Variants in MSI2 observed in about 807,000 individuals in gnomAD.
The protein encoded by MSI2 is RNA-binding protein Musashi homolog 2.
Under a neutral mutation model 45.6 loss-of-function variants are expected in MSI2, and 17 were observed. The ratio of observed to expected loss-of-function variants is 0.37; its 90% CI spans 0.26 to 0.56. MSI2 has a LOEUF of 0.56. MSI2 is among the 20% of genes least tolerant of loss of function. The probability of loss-of-function intolerance (pLI) is 0.77; values close to 1 mark genes in which losing one functional copy is unlikely to be tolerated. For synonymous variants in MSI2, 156 were observed against 158.2 expected (o/e 0.99, Z 0.11); for missense variants, 293 against 444.2 (o/e 0.66, Z 3.06).
At chr17:57,290,684 C>T (rs1268235021) in intron 5 of MSI2, among the ~76,000 whole-genome samples, 1 of 152,170 alleles carries the variant, frequency 6.6e-6, no homozygotes, top group Non-Finnish European at 1.5e-5. Flanking sequence ...TCAGACTTTA[C>T]TATGCAGAAA....
At chr17:57,271,552 A>G (rs1908374008) in intron 5 of MSI2, among the ~76,000 whole-genome samples, 1 of 152,092 alleles carries the variant, frequency 6.6e-6, no homozygotes, top group South Asian at 2.1e-4. Flanking sequence ...AAGATCTAGG[A>G]GAATAAATTC....
intron 10 of MSI2, chr17:57,632,579 G>A: frequency 9.4e-7 from 1 of 1,066,800 alleles, no homozygotes; most frequent in Non-Finnish European, 1.1e-6. Flanking sequence ...GAGTAGGAGG[G>A]GGTGGAACAC....
chr17:57,295,154 G>A (rs990417995), intron 5 of MSI2, among the ~76,000 whole-genome samples: 2 of 152,208 alleles, frequency 1.3e-5, no homozygotes, highest in African/African-American at 4.8e-5. Flanking sequence ...TTTAGCTTCT[G>A]ATGATGGATG....
intron 6 of MSI2, among the ~76,000 whole-genome samples, chr17:57,438,800 A>ATTTG (rs2084739950): frequency 6.9e-6 from 1 of 145,018 alleles, no homozygotes. Context: ...TCCCATAGGA[A>ATTTG]TTTTTTTTTT....
intron 6 of MSI2, among the ~76,000 whole-genome samples, chr17:57,417,257 G>A (rs1265963284): frequency 6.6e-6 from 1 of 152,126 alleles, no homozygotes; most frequent in Non-Finnish European, 1.5e-5. Flanking sequence ...GTGTTGCCAT[G>A]GTAGGTGGAG....
At chr17:57,463,817 A>C (rs2143638256) in intron 6 of MSI2, among the ~76,000 whole-genome samples, 1 of 150,704 alleles carries the variant, frequency 6.6e-6, no homozygotes, top group African/African-American at 2.4e-5. Flanking sequence ...AGTTCTGTGC[A>C]TTCATTCTCT....
intron 7 of MSI2, among the ~76,000 whole-genome samples, chr17:57,535,574 T>A (rs1260303793): frequency 1.3e-5 from 2 of 152,246 alleles, no homozygotes; most frequent in African/African-American, 4.8e-5. Flanking sequence ...TTAAATGCAA[T>A]GCTAATGGCT....
rs760901612 is a variant in MSI2, at chr17:57,495,406, G to A, written c.406-34270G>A. ...AAATCAGCCGGGCATGGTGGTGCAC[G>A]CCTGTAATCCCAGCTACTCAGGAGG... On this transcript the variant is annotated intron_variant, in intron 6 of 13. Coordinates refer to ENST00000284073, the MANE Select transcript of MSI2 (RefSeq NM_138962.4). Among the ~76,000 whole-genome samples the A allele has an allele frequency of 7.8e-4, 118 of 151,810 alleles. 1 individual carries two copies. Among genetic ancestry groups the A allele is most frequent in the South Asian group, 6.3e-4 (3 of 4,790 alleles).
chr17:57,498,971 A>G (rs1056507299), intron 6 of MSI2, among the ~76,000 whole-genome samples: 2 of 135,334 alleles, frequency 1.5e-5, no homozygotes, highest in African/African-American at 5.7e-5. Context: ...CCTGTGTCCA[A>G]GTGTTCTCAT....
intron 5 of MSI2, among the ~76,000 whole-genome samples, chr17:57,379,723 GC>G (rs1377218748): frequency 6.6e-6 from 1 of 152,138 alleles, no homozygotes; most frequent in East Asian, 1.9e-4. Context: ...GAGAAGTGGG[GC>G]CCCTGGAGTG....
chr17:57,500,975 A>C (rs902644970), intron 6 of MSI2, among the ~76,000 whole-genome samples: 8 of 151,806 alleles, frequency 5.3e-5, no homozygotes, highest in African/African-American at 1.7e-4. Context: ...AAAAAAAAAA[A>C]ATGAACCAAT....
At chr17:57,324,216 A>C (rs1181225542) in intron 5 of MSI2, among the ~76,000 whole-genome samples, 1 of 152,098 alleles carries the variant, frequency 6.6e-6, no homozygotes, top group East Asian at 1.9e-4. Context: ...GGTGGCCGGG[A>C]GAGTCTCTGA....
intron 5 of MSI2, among the ~76,000 whole-genome samples, chr17:57,345,797 C>T (rs967146099): frequency 2.1e-5 from 3 of 140,464 alleles, no homozygotes; most frequent in East Asian, 2.0e-4. Flanking sequence ...CCAGCCTGGG[C>T]GACAGAGTGG....
intron 7 of MSI2, among the ~76,000 whole-genome samples, chr17:57,543,086 T>C (rs1490662643): frequency 3.9e-5 from 6 of 152,210 alleles, no homozygotes. Flanking sequence ...TACTCAATGC[T>C]TCCCATCTCA....
intron 6 of MSI2, among the ~76,000 whole-genome samples, chr17:57,528,588 C>T (rs2086753756): frequency 6.6e-6 from 1 of 152,170 alleles, no homozygotes. Context: ...AATGTATTTT[C>T]TCACAATTCT....
chr17:57,274,935 T>G (rs1345930906), intron 5 of MSI2, among the ~76,000 whole-genome samples: 2 of 152,218 alleles, frequency 1.3e-5, no homozygotes, highest in Non-Finnish European at 2.9e-5. Flanking sequence ...CCAGTATAAA[T>G]AAGGCACCAG....
At chr17:57,620,617 G>A (rs1235669300) in intron 9 of MSI2, among the ~76,000 whole-genome samples, 2 of 152,220 alleles carry the variant, frequency 1.3e-5, no homozygotes, top group Non-Finnish European at 2.9e-5. Context: ...GACCTGTGCT[G>A]TGGCAACTGC....
intron 6 of MSI2, among the ~76,000 whole-genome samples, chr17:57,516,248 C>G (rs2086467650): frequency 6.6e-6 from 1 of 152,190 alleles, no homozygotes. Context: ...TGTTCCTCAT[C>G]ACAATAATGT....
At chr17:57,670,971 C>T (rs1359151960) in intron 11 of MSI2, among the ~76,000 whole-genome samples, 1 of 152,128 alleles carries the variant, frequency 6.6e-6, no homozygotes, top group Non-Finnish European at 1.5e-5. Context: ...GGCTTCTTAG[C>T]CCAAGGCACC....
Sources: gnomAD v4.1 joint callset for allele counts (sites outside exome capture counted in the v4.1 genomes callset) on GRCh38, gnomAD v4.1.1 for gene constraint, MANE v1.5 for transcripts, NCBI Gene and HGNC (gene_info 2026-07-23, HGNC 2026-07-21) for gene names.